Variants in LDB2 observed in about 807,000 individuals in gnomAD.
LDB2 encodes LIM domain-binding protein 2.
In LDB2, 12 loss-of-function variants were observed where a neutral mutation model predicts 44.3. The ratio of observed to expected loss-of-function variants is 0.27; its 90% CI spans 0.17 to 0.44. The LOEUF (loss-of-function observed/expected upper bound fraction) is 0.44, where lower values mean the gene tolerates loss of function less well. Ranked by LOEUF, LDB2 falls within the 20% of genes least tolerant of loss-of-function variation. LDB2 has a pLI of 1.00. For missense variants in LDB2, 344 were observed against 473.5 expected, an observed-to-expected ratio of 0.73 and a Z score of 2.54; for synonymous variants, 164 against 174.8, an observed-to-expected ratio of 0.94 and a Z score of 0.49.
chr4:16,658,815 G>T (rs1740656218), intron 2 of LDB2, among the ~76,000 whole-genome samples: 1 of 152,120 alleles, frequency 6.6e-6, no homozygotes, highest in Non-Finnish European at 1.5e-5. Flanking sequence ...CTCCCTGAGG[G>T]GTGTATCTTT....
At chr4:16,842,527 A>G (rs1201745930) in intron 1 of LDB2, among the ~76,000 whole-genome samples, 1 of 152,234 alleles carries the variant, frequency 6.6e-6, no homozygotes, top group Non-Finnish European at 1.5e-5. Context: ...ATTATTTAAT[A>G]TACACATTTA....
At chr4:16,771,408 C>T (rs1446090551) in intron 1 of LDB2, among the ~76,000 whole-genome samples, 1 of 152,154 alleles carries the variant, frequency 6.6e-6, no homozygotes, top group Non-Finnish European at 1.5e-5. Flanking sequence ...CTGTCAGTGA[C>T]ACCCAAGTAC....
chr4:16,502,973 C>T (rs2152188713), intron 7 of LDB2, 100 bp from the exon 8 acceptor site: 1 of 1,605,076 alleles, frequency 6.2e-7, no homozygotes, highest in Non-Finnish European at 8.5e-7. Context: ...GACAGACACA[C>T]TCGTGTACTG....
intron 2 of LDB2, among the ~76,000 whole-genome samples, chr4:16,738,660 G>T (rs951238934): frequency 1.3e-5 from 2 of 152,208 alleles, no homozygotes. Flanking sequence ...GCTACCAGAG[G>T]CATCCACAGA....
intron 2 of LDB2, among the ~76,000 whole-genome samples, chr4:16,695,418 C>G (rs932687743): frequency 6.6e-6 from 1 of 151,194 alleles, no homozygotes; most frequent in African/African-American, 2.4e-5. Flanking sequence ...TGAGATCACA[C>G]CGCTGCACTC....
intron 2 of LDB2, among the ~76,000 whole-genome samples, chr4:16,654,535 C>T (rs748591812): frequency 1.3e-5 from 2 of 152,064 alleles, no homozygotes; most frequent in Non-Finnish European, 2.9e-5. Flanking sequence ...ACAAAGCATG[C>T]CAAAAAGGAG....
At chr4:16,626,281 G>A (rs1368141408) in intron 2 of LDB2, among the ~76,000 whole-genome samples, 2 of 152,144 alleles carry the variant, frequency 1.3e-5, no homozygotes, top group East Asian at 3.9e-4. Context: ...TTAGTTACTA[G>A]ACTACTTGGA....
chr4:16,739,645 C>T (rs56294790), intron 2 of LDB2, among the ~76,000 whole-genome samples: 604 of 48,900 alleles, frequency 0.012, 51 homozygotes, highest in East Asian at 0.08. Context: ...TGTATATATA[C>T]ATATGTGTGT....
At chr4:16,602,271 G>C (rs1722776404) in intron 2 of LDB2, among the ~76,000 whole-genome samples, 2 of 152,288 alleles carry the variant, frequency 1.3e-5, no homozygotes, top group South Asian at 4.1e-4. Flanking sequence ...AGCCTGGAAG[G>C]CTGCCGTGAA....
intron 2 of LDB2, among the ~76,000 whole-genome samples, chr4:16,695,299 G>A (rs115468516): frequency 0.019 from 2,858 of 152,156 alleles, 38 homozygotes; most frequent in Non-Finnish European, 0.027. Flanking sequence ...CACTTTGGGC[G>A]GTGGGCGGAT....
At chr4:16,781,393 A>T (rs920704049) in intron 1 of LDB2, among the ~76,000 whole-genome samples, 1 of 152,214 alleles carries the variant, frequency 6.6e-6, no homozygotes, top group African/African-American at 2.4e-5. Context: ...CACAGATCAG[A>T]CTTTGAGTTA....
At chr4:16,573,342 C>T (rs1021266946) in intron 5 of LDB2, among the ~76,000 whole-genome samples, 1 of 152,156 alleles carries the variant, frequency 6.6e-6, no homozygotes, top group South Asian at 2.1e-4. Flanking sequence ...GCCTGTGACA[C>T]GTGCTCCTCC....
chr4:16,616,624 C>T (rs543771702), intron 2 of LDB2, among the ~76,000 whole-genome samples: 2 of 152,090 alleles, frequency 1.3e-5, no homozygotes, highest in African/African-American at 4.8e-5. Context: ...CCAAGAGAAA[C>T]TGTGTTTCCT....
chr4:16,773,576 G>A (rs554690425), intron 1 of LDB2, among the ~76,000 whole-genome samples: 1 of 152,162 alleles, frequency 6.6e-6, no homozygotes, highest in South Asian at 2.1e-4. Flanking sequence ...TCTGACAGGA[G>A]GTGCAGCTCA....
intron 5 of LDB2, among the ~76,000 whole-genome samples, chr4:16,539,205 G>T (rs895342866): frequency 1.3e-5 from 2 of 152,144 alleles, no homozygotes; most frequent in Non-Finnish European, 1.5e-5. Flanking sequence ...AGACACATAG[G>T]TACTTTCTGG....
chr4:16,627,834 A>G (rs1287826179), intron 2 of LDB2, among the ~76,000 whole-genome samples: 2 of 152,238 alleles, frequency 1.3e-5, no homozygotes, highest in Admixed American at 6.5e-5. Context: ...TGTGGCTTCC[A>G]TCATGGGTGA....
At chr4:16,897,310 G>A (rs1261996010) in intron 1 of LDB2, among the ~76,000 whole-genome samples, 3 of 152,146 alleles carry the variant, frequency 2.0e-5, no homozygotes, top group Non-Finnish European at 4.4e-5. Flanking sequence ...ATACTCTGCA[G>A]AGAAGACTAA....
intron 1 of LDB2, among the ~76,000 whole-genome samples, chr4:16,787,651 A>G (rs1226076618): frequency 6.6e-6 from 1 of 152,088 alleles, no homozygotes; most frequent in Non-Finnish European, 1.5e-5. Context: ...GATGAACTAT[A>G]AGCAAAACAT....
chr4:16,760,612 T>C (rs1284938349), intron 1 of LDB2, among the ~76,000 whole-genome samples: 2 of 152,140 alleles, frequency 1.3e-5, no homozygotes, highest in African/African-American at 4.8e-5. Flanking sequence ...GGCACTTAAC[T>C]ATGTGTAGGC....
Sources: allele counts gnomAD v4.1 joint callset (sites outside exome capture counted in the v4.1 genomes callset), GRCh38; gene constraint gnomAD v4.1.1; transcripts MANE v1.5; gene names NCBI Gene and HGNC (gene_info 2026-07-23, HGNC 2026-07-21).